The following GLIS3 variants were observed in gnomAD, a reference collection of about 807,000 sequenced individuals.
The protein encoded by GLIS3 is zinc finger protein GLIS3.
A neutral mutation model predicts 78.6 loss-of-function variants in GLIS3; 53 were observed. The ratio of observed to expected loss-of-function variants is 0.67; its 90% CI spans 0.54 to 0.85. The LOEUF is 0.85. Ranked by LOEUF, GLIS3 falls within the 40% of genes least tolerant of loss-of-function variation. GLIS3 has a pLI of 0.00. For missense variants in GLIS3, 1,703 were observed against 1,231.1 expected (o/e 1.38, Z -5.74); for synonymous variants, 684 against 509.9 (o/e 1.34, Z -4.60).
chr9:4,400,755 G>A, the GLIS3 span, among the ~76,000 whole-genome samples: 1 of 152,188 alleles, frequency 6.6e-6, no homozygotes. Context: ...TCTGGGCAGA[G>A]TCATGAGGAC....
chr9:4,063,995 A>G (rs978068131), intron 4 of GLIS3, among the ~76,000 whole-genome samples: 1 of 152,214 alleles, frequency 6.6e-6, no homozygotes, highest in African/African-American at 2.4e-5. Context: ...GATGTCAAAT[A>G]TATTTCAAAG....
chr9:4,438,451 G>C, the GLIS3 span, among the ~76,000 whole-genome samples: 1 of 152,186 alleles, frequency 6.6e-6, no homozygotes, highest in Non-Finnish European at 1.5e-5. Context: ...ATTTTTCTAA[G>C]GAGGGTGAGA....
chr9:4,361,345 T>A, the GLIS3 span, among the ~76,000 whole-genome samples: 1 of 152,206 alleles, frequency 6.6e-6, no homozygotes, highest in Non-Finnish European at 1.5e-5. Flanking sequence ...CTGAAATATC[T>A]CTTGCAATTG....
At chr9:4,459,402 A>G in the GLIS3 span, among the ~76,000 whole-genome samples, 1 of 152,198 alleles carries the variant, frequency 6.6e-6, no homozygotes, top group Non-Finnish European at 1.5e-5. Context: ...TGTAAAAGAG[A>G]CTGAAAAGGA....
At chr9:4,268,999 T>C (rs180770000) in intron 2 of GLIS3, among the ~76,000 whole-genome samples, 72 of 152,348 alleles carry the variant, frequency 4.7e-4, no homozygotes, top group African/African-American at 1.7e-3. Flanking sequence ...AAATTCTCTA[T>C]GTTAAAAATA....
chr9:4,273,146 T>C (rs190243762), intron 2 of GLIS3, among the ~76,000 whole-genome samples: 4 of 152,292 alleles, frequency 2.6e-5, no homozygotes, highest in East Asian at 3.9e-4. Context: ...TAGGCCTTTA[T>C]TTCAAAAGAC....
At chr9:4,426,531 C>G in the GLIS3 span, among the ~76,000 whole-genome samples, 1 of 152,256 alleles carries the variant, frequency 6.6e-6, no homozygotes, top group Non-Finnish European at 1.5e-5. Flanking sequence ...ATTACTCATT[C>G]TTTAAGACTG....
At chr9:4,027,553 T>A (rs1588483762) in intron 4 of GLIS3, among the ~76,000 whole-genome samples, 1 of 152,220 alleles carries the variant, frequency 6.6e-6, no homozygotes, top group South Asian at 2.1e-4. Context: ...TGTGCATGCA[T>A]GCCAGAATAT....
At chr9:4,176,108 T>C (rs191965741) in intron 2 of GLIS3, among the ~76,000 whole-genome samples, 22 of 152,236 alleles carry the variant, frequency 1.4e-4, no homozygotes, top group Admixed American at 1.4e-3. Context: ...AAAGGCAGGC[T>C]CTAGCCCCCT....
At chr9:4,098,264 C>T (rs978521051) in intron 4 of GLIS3, among the ~76,000 whole-genome samples, 1 of 152,146 alleles carries the variant, frequency 6.6e-6, no homozygotes, top group Non-Finnish European at 1.5e-5. Context: ...AAAAATCTTG[C>T]AGCAACACAA....
intron 5 of GLIS3, 110 bp downstream of exon 5, chr9:3,936,918 C>T (rs1311794432): frequency 1.0e-5 from 15 of 1,451,018 alleles, no homozygotes; most frequent in Non-Finnish European, 1.4e-5. Flanking sequence ...TTGGCATTGT[C>T]CCTGTAACCT....
chr9:4,181,539 A>G (rs2131173825), intron 2 of GLIS3, among the ~76,000 whole-genome samples: 1 of 152,230 alleles, frequency 6.6e-6, no homozygotes, highest in Middle Eastern at 3.4e-3. Context: ...CCTCCTTCCT[A>G]TATTTAGAAA....
At chr9:4,148,373 T>C (rs1834391304) in intron 2 of GLIS3, among the ~76,000 whole-genome samples, 2 of 152,052 alleles carry the variant, frequency 1.3e-5, no homozygotes, top group Admixed American at 6.6e-5. Flanking sequence ...CACGTCCCCA[T>C]ACTCTCCATA....
chr9:4,019,203 GAATGGCGTTTA>G (rs1443231281), intron 4 of GLIS3, among the ~76,000 whole-genome samples: 1 of 152,174 alleles, frequency 6.6e-6, no homozygotes, highest in Admixed American at 6.5e-5. Flanking sequence ...AGTTCTTATG[GAATGGCGTTTA>G]AAGTTTAAAC....
At chr9:4,028,722 T>C (rs1823561304) in intron 4 of GLIS3, among the ~76,000 whole-genome samples, 1 of 152,208 alleles carries the variant, frequency 6.6e-6, no homozygotes, top group Non-Finnish European at 1.5e-5. Context: ...GAGTAAGATT[T>C]TAATTAGATC....
At chr9:4,221,907 T>G (rs1316440289) in intron 2 of GLIS3, among the ~76,000 whole-genome samples, 2 of 152,222 alleles carry the variant, frequency 1.3e-5, no homozygotes, top group African/African-American at 4.8e-5. Context: ...CCAGGAAGAC[T>G]TCATGCCACT....
In GLIS3 at chr9:4,142,761, T is replaced by C. The variant is rs189032717; in HGVS notation, c.389-16820A>G. On this transcript the variant is annotated intron_variant, in intron 2 of 10. Coordinates refer to ENST00000381971, the MANE Select transcript of GLIS3 (RefSeq NM_001042413.2). ...TCCAATAAGGAAGACTGTTAGACAT[T>C]AATCTCAACAAGCTCATACTAACTC... Among the ~76,000 whole-genome samples, 15 of 152,278 alleles carry C rather than the reference T, an allele frequency of 9.9e-5. No individual in the cohort carries two copies. In the East Asian group the frequency reaches 2.9e-3, roughly 29 times the overall value.
Position 4,300,056 on chromosome 9 carries a change from T to C in GLIS3, c.-734A>G, listed in dbSNP as rs991871944. On this transcript the variant is annotated 5_prime_UTR_variant, in exon 1 of 11. Coordinates refer to ENST00000381971, the MANE Select transcript of GLIS3 (RefSeq NM_001042413.2). ...GGGAGGAAGGCAGCCGGGCGAGGAG[T>C]GTGGATGTGTGTGCGGCCGCGAGGG... The C allele has an allele frequency of 3.5e-5, 5 of 142,704 alleles. No homozygotes were observed. The highest frequency in any genetic ancestry group is 4.3e-4 in the East Asian group (2 of 4,642). 8.8% of individuals were successfully genotyped at this position (142,704 alleles called of 1,614,324 possible). A position where few individuals can be genotyped will look rare whatever the true frequency, so the allele number is the denominator to read the frequency against.
At chr9:4,423,643 G>C in the GLIS3 span, among the ~76,000 whole-genome samples, 2 of 152,134 alleles carry the variant, frequency 1.3e-5, no homozygotes, top group South Asian at 2.1e-4. Context: ...GATATCACAA[G>C]GTCACAGAAC....
Sources: gnomAD v4.1 joint callset for allele counts (sites outside exome capture counted in the v4.1 genomes callset) on GRCh38, gnomAD v4.1.1 for gene constraint, MANE v1.5 for transcripts, NCBI Gene and HGNC (gene_info 2026-07-23, HGNC 2026-07-21) for gene names.